The following NEK10 variants were observed in gnomAD, a reference collection of about 807,000 sequenced individuals.
NEK10 encodes NIMA related kinase 10.
Under a neutral mutation model 159.8 loss-of-function variants are expected in NEK10, and 122 were observed. That is an observed-to-expected ratio of 0.76 (90% CI 0.66 to 0.89). The LOEUF is 0.89. Among genes scored for constraint, NEK10 ranks in the 40% least tolerant of loss-of-function variants. The pLI is 0.00. For synonymous variants in NEK10, 466 were observed against 457.1 expected (o/e 1.02, Z -0.25); for missense variants, 1,342 against 1,323.1 (o/e 1.01, Z -0.22).
intron 25 of NEK10, among the ~76,000 whole-genome samples, chr3:27,196,431 G>A (rs552257421): frequency 1.3e-5 from 2 of 152,180 alleles, no homozygotes; most frequent in African/African-American, 2.4e-5. Flanking sequence ...CCTGTGGCTC[G>A]TCCTGCTACA....
chr3:27,260,816 C>T (rs1383352693), intron 22 of NEK10, among the ~76,000 whole-genome samples: 1 of 152,022 alleles, frequency 6.6e-6, no homozygotes, highest in African/African-American at 2.4e-5. Context: ...TTCCTTGTAC[C>T]TCTGGTAGAA....
In NEK10 at chr3:27,253,110, A is replaced by T. The variant is rs931810815; in HGVS notation, c.2090+3186T>A. ...CCTACAGGTTTATTTTGATCCATCCAATTTAAAGTTCATGAGCTTCTCTTC... is the reference window on the plus strand; with the variant it reads ...CCTACAGGTTTATTTTGATCCATCCTATTTAAAGTTCATGAGCTTCTCTTC... On this transcript the variant is annotated intron_variant, in intron 23 of 35. Transcript: ENST00000691995. Among the ~76,000 whole-genome samples the T allele has an allele frequency of 7.9e-5, 12 of 152,176 alleles. 1 individual carries two copies. The highest frequency in any genetic ancestry group is 2.7e-4 in the African/African-American group (11 of 41,446).
At chr3:27,240,654 C>CT (rs5847451) in intron 23 of NEK10, among the ~76,000 whole-genome samples, 70,490 of 141,324 alleles carry the variant, frequency 0.5, 20,025 homozygotes, top group African/African-American at 0.78. Flanking sequence ...ACTATCTCAT[C>CT]TTTTTTTTTT....
At chr3:27,128,592 A>G (rs1300461018) in intron 32 of NEK10, among the ~76,000 whole-genome samples, 1 of 152,132 alleles carries the variant, frequency 6.6e-6, no homozygotes, top group African/African-American at 2.4e-5. Flanking sequence ...TTTCAATATA[A>G]TAAGCTGGTT....
intron 23 of NEK10, among the ~76,000 whole-genome samples, chr3:27,218,050 C>T (rs1217794524): frequency 6.6e-6 from 1 of 152,146 alleles, no homozygotes; most frequent in Non-Finnish European, 1.5e-5. Flanking sequence ...TGAAGAGAAG[C>T]ACTGAGATAC....
chr3:27,297,436 C>A (rs771895525), intron 13 of NEK10, among the ~76,000 whole-genome samples, 196 bp from the exon 14 acceptor site: 8 of 152,126 alleles, frequency 5.3e-5, no homozygotes, highest in Non-Finnish European at 1.2e-4. Context: ...TCTAATTCTC[C>A]TCCCCATGTA....
chr3:27,155,856 A>T (rs986252117), intron 30 of NEK10, among the ~76,000 whole-genome samples: 1 of 152,128 alleles, frequency 6.6e-6, no homozygotes, highest in African/African-American at 2.4e-5. Flanking sequence ...AAAAAGAACA[A>T]ATCTGGAGGC....
chr3:27,160,441 G>A (rs1945909583), intron 30 of NEK10, among the ~76,000 whole-genome samples: 2 of 152,146 alleles, frequency 1.3e-5, no homozygotes. Flanking sequence ...GAGTTTTATA[G>A]TTAATGGAAA....
intron 6 of NEK10, among the ~76,000 whole-genome samples, chr3:27,315,115 A>C (rs1354522042): frequency 6.6e-6 from 1 of 152,252 alleles, no homozygotes; most frequent in East Asian, 1.9e-4. Flanking sequence ...TTATCTATAG[A>C]CAAATATTCT....
At chr3:27,234,174 G>C (rs1344777593) in intron 23 of NEK10, among the ~76,000 whole-genome samples, 1 of 151,948 alleles carries the variant, frequency 6.6e-6, no homozygotes, top group Non-Finnish European at 1.5e-5. Context: ...ATACTAAATG[G>C]GCAAAACCTG....
chr3:27,327,172 C>T (rs2046064452), intron 5 of NEK10, among the ~76,000 whole-genome samples: 1 of 152,120 alleles, frequency 6.6e-6, no homozygotes, highest in Admixed American at 6.5e-5. Context: ...TGCCATCCCT[C>T]CCCTCCACCT....
At chr3:27,199,718 T>A (rs1472023259) in intron 25 of NEK10, among the ~76,000 whole-genome samples, 1 of 152,128 alleles carries the variant, frequency 6.6e-6, no homozygotes, top group South Asian at 2.1e-4. Flanking sequence ...TAAATGCCCA[T>A]AAATTCTAGG....
chr3:27,217,110 C>A (rs1171513383), intron 23 of NEK10, among the ~76,000 whole-genome samples: 1 of 152,076 alleles, frequency 6.6e-6, no homozygotes, highest in Non-Finnish European at 1.5e-5. Flanking sequence ...TGATGACTAA[C>A]CTCTGATTTT....
chr3:27,308,785 T>C (rs1559475772), intron 10 of NEK10, 141 bp downstream of exon 10: 2 of 419,142 alleles, frequency 4.8e-6, no homozygotes, highest in Non-Finnish European at 8.7e-6. Context: ...CTATCCAGGA[T>C]TCTCTTCAAC....
At chr3:27,196,421 C>A (rs1251455589) in intron 25 of NEK10, among the ~76,000 whole-genome samples, 7 of 152,148 alleles carry the variant, frequency 4.6e-5, no homozygotes, top group Admixed American at 4.6e-4. Context: ...GGGGTTCTTG[C>A]CTGTGGCTCG....
At chr3:27,312,027 C>A in intron 8 of NEK10, 72 bp downstream of exon 8, 1 of 942,782 alleles carries the variant, frequency 1.1e-6, no homozygotes, top group African/African-American at 1.6e-5. Flanking sequence ...ATCCTTGTTT[C>A]CTGCTGCAAA....
At chr3:27,288,815 T>C (rs1030121216) in intron 19 of NEK10, among the ~76,000 whole-genome samples, 1 of 152,220 alleles carries the variant, frequency 6.6e-6, no homozygotes, top group Non-Finnish European at 1.5e-5. Context: ...ACAAATGGCT[T>C]GCTTGCATCT....
At chr3:27,302,147 C>A (rs2043876796) in intron 12 of NEK10, among the ~76,000 whole-genome samples, 1 of 152,160 alleles carries the variant, frequency 6.6e-6, no homozygotes, top group Admixed American at 6.5e-5. Context: ...TGATTATTCT[C>A]AGTTTCCTTT....
At chr3:27,276,199 A>G (rs2041759154) in intron 22 of NEK10, among the ~76,000 whole-genome samples, 1 of 152,148 alleles carries the variant, frequency 6.6e-6, no homozygotes, top group Non-Finnish European at 1.5e-5. Flanking sequence ...TATCAGAGAA[A>G]GAAGGTCAAG....
Sources: allele counts gnomAD v4.1 joint callset (sites outside exome capture counted in the v4.1 genomes callset), GRCh38; gene constraint gnomAD v4.1.1; transcripts MANE v1.5; gene names NCBI Gene and HGNC (gene_info 2026-07-23, HGNC 2026-07-21).